The following DUSP14 variants were observed in gnomAD, a reference collection of about 807,000 sequenced individuals.
DUSP14 encodes the protein dual specificity phosphatase 14.
In DUSP14, 5 loss-of-function variants were observed where a neutral mutation model predicts 13.2. That is an observed-to-expected ratio of 0.38 (90% CI 0.20 to 0.80). DUSP14 has a LOEUF of 0.80. Among genes scored for constraint, DUSP14 ranks in the 30% least tolerant of loss-of-function variants. The pLI is 0.44. For synonymous variants in DUSP14, 91 were observed against 103.4 expected (o/e 0.88, Z 0.73); for missense variants, 185 against 264.0 (o/e 0.70, Z 2.07).
chr17:37,492,183 A>G (rs935609556), intron 1 of DUSP14, among the ~76,000 whole-genome samples: 4 of 152,218 alleles, frequency 2.6e-5, no homozygotes, highest in Non-Finnish European at 5.9e-5. Context: ...TCAAAGTAGT[A>G]GAATCATTAC....
Position 37,512,821 on chromosome 17 carries a change from C to T in DUSP14, c.549C>T (p.Asp183=), listed in dbSNP as rs369207315. ...MVQTPYGIVP[D]VYEKESRHLM... is the part of the protein sequence containing the mutation. ...AGACACCTTATGGCATAGTTCCCGA[C>T]GTCTATGAGAAGGAGTCCCGACACC... The change falls in exon 3 of 3, where the codon GAC becomes GAT. Residue 183 remains aspartate, a synonymous_variant. Coordinates refer to ENST00000617516, the MANE Select transcript of DUSP14 (RefSeq NM_007026.4). This position sits in a 1 kb window ranked among gnomAD's most constrained non-coding sequence, Gnocchi z 4.8. 2.5e-6 allele frequency: 4 copies of T among 1,611,922 alleles called. No individual in the cohort carries two copies. Among genetic ancestry groups the T allele is most frequent in the Non-Finnish European group, 2.5e-6 (3 of 1,178,542 alleles).
At position 37,502,618 on chromosome 17, in the gene DUSP14, A is replaced by G. The variant is rs1597970562; in HGVS notation, c.-180-8059A>G. 2.0e-5 allele frequency among the ~76,000 whole-genome samples: 3 copies of G among 152,152 alleles called. No homozygotes were observed. The South Asian group carries it at 6.2e-4, about 32-fold the overall frequency. On this transcript the variant is annotated intron_variant, in intron 1 of 2. Coordinates refer to ENST00000617516, the MANE Select transcript of DUSP14 (RefSeq NM_007026.4). ...AGATTCAAAGCCTGGGGGTGACTTG[A>G]TGGCTGGGAGCTATAATCATAATAA...
chr17:37,489,434 C>A (rs937527164), upstream of DUSP14, among the ~76,000 whole-genome samples: 1 of 152,118 alleles, frequency 6.6e-6, no homozygotes, highest in Non-Finnish European at 1.5e-5. Flanking sequence ...GCTCTCCGGG[C>A]TAGGGAGGCG....
intron 1 of DUSP14, among the ~76,000 whole-genome samples, chr17:37,492,999 G>T (rs1038153956): frequency 1.3e-5 from 2 of 152,186 alleles, no homozygotes; most frequent in Admixed American, 6.5e-5. Context: ...CATCGTGTGT[G>T]TGTGTGTGTA....
chr17:37,494,016 CAG>C lies in DUSP14; in HGVS notation c.-181+4061_-181+4062del, dbSNP rs2054046822. On this transcript the variant is annotated intron_variant, in intron 1 of 2. Transcript: ENST00000617516. ...AAACTTTTTTTTTTTTTTTTTGAGA[CAG>C]AGTCTCACTCTGTCGCCCAGGCTGG... is the stretch of plus-strand genomic sequence containing the variant. Among the ~76,000 whole-genome samples the C allele has an allele frequency of 4.2e-5, 6 of 143,680 alleles. No homozygotes were observed. In the South Asian group the frequency reaches 1.3e-3, roughly 31 times the overall value. The allele number at this position is 143,680 out of a possible 152,430, so 94.3% of individuals were successfully genotyped here.
chr17:37,502,261 C>G (rs1396886298), intron 1 of DUSP14, among the ~76,000 whole-genome samples: 5 of 151,994 alleles, frequency 3.3e-5, no homozygotes, highest in Non-Finnish European at 7.4e-5. Context: ...AGCTCCCTGC[C>G]CCTTTGACCT....
intron 1 of DUSP14, among the ~76,000 whole-genome samples, chr17:37,509,174 A>C (rs1329838268): frequency 1.8e-5 from 2 of 108,294 alleles, no homozygotes; most frequent in African/African-American, 3.7e-5. Flanking sequence ...CACACTCTAT[A>C]TATATATGTA....
rs1255891805 is a variant in DUSP14 at position 37,511,517 on chromosome 17, G to C, written c.-92-664G>C. On this transcript the variant is annotated intron_variant, in intron 2 of 2. Transcript: ENST00000617516. ...GCTGGTCTCGAACTCCTGACCTCAG[G>C]TGATCCACCCGCCTCAGCCTCCCAA... Among the ~76,000 whole-genome samples the C allele has an allele frequency of 2.0e-5, 3 of 150,136 alleles. No homozygotes were observed. In the Admixed American group the frequency reaches 2.0e-4, roughly 10 times the overall value.
Position 37,512,189 on chromosome 17 carries a change from C to G in DUSP14, c.-84C>G, listed in dbSNP as rs2054193510. The G allele has an allele frequency of 4.3e-6, 5 of 1,159,700 alleles. No homozygotes were observed. In the South Asian group the frequency reaches 5.9e-5, roughly 14 times the overall value. The allele number at this position is 1,159,700 out of a possible 1,614,324, so 71.8% of individuals were successfully genotyped here. On this transcript the variant is annotated 5_prime_UTR_variant, in exon 3 of 3. Transcript: ENST00000617516. The surrounding 1 kb of genome is among the most constrained non-coding windows in gnomAD (Gnocchi z 4.8). ...ATACCTGTATTTTGCAGGAAGGAGA[C>G]TCTAATTTTGGATTCCTTGGTGGAG...
At chr17:37,494,057 G>C (rs938460666) in intron 1 of DUSP14, among the ~76,000 whole-genome samples, 1 of 150,250 alleles carries the variant, frequency 6.7e-6, no homozygotes, top group South Asian at 2.1e-4. Context: ...GCAGTGGCGC[G>C]ATCTCGGCTC....
Position 37,512,978 on chromosome 17 carries a change from GTGTTT to G in DUSP14, c.*111_*115del. 1.0e-6 allele frequency: 1 copy of G among 972,700 alleles called. No individual in the cohort carries two copies. 60.3% of individuals were successfully genotyped at this position (972,700 alleles called of 1,614,324 possible). On this transcript the variant is annotated 3_prime_UTR_variant, in exon 3 of 3. Transcript: ENST00000617516. The surrounding 1 kb of genome is among the most constrained non-coding windows in gnomAD (Gnocchi z 4.8). Reference sequence around the variant, plus strand: ...TGGCTGACTTCTGGTTCTCCCTCAAGTGTTTTTTACACTGGGTGTTCAAATTTATT... The same window carrying G: ...TGGCTGACTTCTGGTTCTCCCTCAAGTTTACACTGGGTGTTCAAATTTATT...
chr17:37,497,654 G>C (rs951203961), intron 1 of DUSP14, among the ~76,000 whole-genome samples: 1 of 151,384 alleles, frequency 6.6e-6, no homozygotes, highest in African/African-American at 2.4e-5. Context: ...CAGCTACTTG[G>C]GAAGCTGAGG....
intron 1 of DUSP14, among the ~76,000 whole-genome samples, chr17:37,497,027 T>C (rs551094386): frequency 7.2e-5 from 11 of 152,104 alleles, no homozygotes; most frequent in South Asian, 4.2e-4. Context: ...TGCTTAGAAA[T>C]TAAGTATTAT....
intron 1 of DUSP14, among the ~76,000 whole-genome samples, chr17:37,497,692 C>G (rs140753245): frequency 8.0e-5 from 12 of 150,108 alleles, no homozygotes; most frequent in African/African-American, 3.0e-4. Flanking sequence ...CTCAGGAGGT[C>G]GAGGCTGCAG....
In DUSP14 at chr17:37,498,314, C is replaced by CTTT. The variant is rs765033929; in HGVS notation, c.-181+8384_-181+8386dup. ...ACTTGTTTTGTGTACTAGATTGTAT[C>CTTT]TTTTTTTTTTTTTTTTTTTTTTTTT... On this transcript the variant is annotated intron_variant, in intron 1 of 2. Coordinates refer to ENST00000617516, the MANE Select transcript of DUSP14 (RefSeq NM_007026.4). 2.6e-4 allele frequency among the ~76,000 whole-genome samples: 18 copies of CTTT among 70,576 alleles called. 2 individuals are homozygous for CTTT. The highest frequency in any genetic ancestry group is 3.5e-4 in the Non-Finnish European group (14 of 40,218). The allele number at this position is 70,576 out of a possible 152,430, so 46.3% of individuals were successfully genotyped here. A position where few individuals can be genotyped will look rare whatever the true frequency, so the allele number is the denominator to read the frequency against.
chr17:37,507,231 C>A (rs2054144019), intron 1 of DUSP14, among the ~76,000 whole-genome samples: 1 of 152,138 alleles, frequency 6.6e-6, no homozygotes, highest in South Asian at 2.1e-4. Flanking sequence ...AACTTTGGAC[C>A]AGCTTTGGCA....
chr17:37,512,733 T>A lies in DUSP14; in HGVS notation c.461T>A (p.Phe154Tyr). ...CCTGTCATCAGGCCCAACGTAGGCT[T>A]CTGGAGGCAACTGATAGACTACGAG... ...RRPVIRPNVG[F>Y]WRQLIDYERQ... Residue 154 changes from phenylalanine (F) to tyrosine (Y), a missense_variant, in exon 3 of 3, where the codon TTC (phenylalanine) becomes TAC (tyrosine). Coordinates refer to ENST00000617516, the MANE Select transcript of DUSP14 (RefSeq NM_007026.4). The surrounding 1 kb of genome is among the most constrained non-coding windows in gnomAD (Gnocchi z 4.8). 1 of 1,614,020 alleles carries A rather than the reference T, an allele frequency of 6.2e-7. No homozygotes were observed. Among genetic ancestry groups the A allele is most frequent in the East Asian group, 2.2e-5 (1 of 44,884 alleles).
intron 1 of DUSP14, among the ~76,000 whole-genome samples, chr17:37,509,545 C>G (rs955525523): frequency 6.6e-6 from 1 of 151,740 alleles, no homozygotes; most frequent in Non-Finnish European, 1.5e-5. Context: ...TGGTCTCGAA[C>G]TCCTGGCCTC....
chr17:37,509,243 CTATATATATATATATATATATATA>C (rs71135736), intron 1 of DUSP14, among the ~76,000 whole-genome samples: 486 of 44,752 alleles, frequency 0.011, 13 homozygotes, highest in Non-Finnish European at 0.015. Flanking sequence ...TATATACACA[CTATATATATATATATATATATATA>C]TATATATATA....
Sources: allele counts gnomAD v4.1 joint callset (sites outside exome capture counted in the v4.1 genomes callset), GRCh38; gene constraint gnomAD v4.1.1; non-coding constraint Gnocchi (gnomAD v3.1); transcripts MANE v1.5; gene names NCBI Gene and HGNC (gene_info 2026-07-23, HGNC 2026-07-21).